The following PCDHA2 variants were observed in gnomAD, a reference collection of about 807,000 sequenced individuals.
The protein encoded by PCDHA2 is protocadherin alpha 2.
PCDHA2 carries 58 observed loss-of-function variants against 66.0 expected under a neutral mutation model. The ratio of observed to expected loss-of-function variants is 0.88; its 90% confidence interval spans 0.71 to 1.09. PCDHA2 has a LOEUF of 1.09. Ranked by LOEUF, PCDHA2 falls within the 50% of genes least tolerant of loss-of-function variation. PCDHA2 has a pLI of 0.00. For synonymous variants in PCDHA2, 634 were observed against 554.0 expected (o/e 1.14, Z -2.03); for missense variants, 1,267 against 1,242.3 (o/e 1.02, Z -0.30).
intron 1 of PCDHA2, chr5:140,856,965 C>T: frequency 1.9e-6 from 3 of 1,590,456 alleles, no homozygotes; most frequent in Non-Finnish European, 2.6e-6. Context: ...GTAAATGATG[C>T]TATTGACTTT....
At chr5:140,881,048 C>T (rs1409752539) in intron 1 of PCDHA2, among the ~76,000 whole-genome samples, 1 of 152,142 alleles carries the variant, frequency 6.6e-6, no homozygotes, top group Non-Finnish European at 1.5e-5. Context: ...TAGAGTTGTG[C>T]ACAGAACAGG....
intron 1 of PCDHA2, chr5:140,884,487 T>C (rs374963144): frequency 6.2e-7 from 1 of 1,613,832 alleles, no homozygotes; most frequent in African/African-American, 1.3e-5. Flanking sequence ...CCCACTCTAG[T>C]GTGCTCCAGC....
At position 140,869,037 on chromosome 5, in the gene PCDHA2, C is replaced by T. The variant is rs547872988; in HGVS notation, c.2388+71685C>T. 8.6e-5 allele frequency: 132 copies of T among 1,528,404 alleles called. No individual in the cohort carries two copies. In the East Asian group the frequency reaches 2.7e-3, roughly 31 times the overall value. The allele number at this position is 1,528,404 out of a possible 1,614,324, so 94.7% of individuals were successfully genotyped here. ...CTTAAGAATTCAACGAGATTTTTAA[C>T]CTGAAACTGAAGAATCTGGTACTGT... On this transcript the variant is annotated intron_variant, in intron 1 of 3. Coordinates refer to ENST00000526136, the MANE Select transcript of PCDHA2 (RefSeq NM_018905.3).
At position 140,843,462 on chromosome 5, in the gene PCDHA2, C is replaced by A. The variant is rs557665140; in HGVS notation, c.2388+46110C>A. The A allele has an allele frequency of 3.1e-6, 5 of 1,595,930 alleles. 1 individual carries two copies. In the African/African-American group the frequency reaches 5.4e-5, roughly 17 times the overall value. On this transcript the variant is annotated intron_variant, in intron 1 of 3. Coordinates refer to ENST00000526136, the MANE Select transcript of PCDHA2 (RefSeq NM_018905.3). ...GCGGTATCCAGCCTGCTGGTGCTCACGCTGCTGCTGTACACTGCGCTGCGG... is the reference window on the plus strand; with the variant it reads ...GCGGTATCCAGCCTGCTGGTGCTCAAGCTGCTGCTGTACACTGCGCTGCGG...
intron 1 of PCDHA2, chr5:140,858,206 A>T (rs781984728): frequency 1.3e-6 from 2 of 1,593,038 alleles, no homozygotes; most frequent in Non-Finnish European, 1.7e-6. Flanking sequence ...CACTGCACTG[A>T]GGTGCTCGGC....
chr5:140,862,497 A>G (rs1337501785), intron 1 of PCDHA2: 1 of 394,588 alleles, frequency 2.5e-6, no homozygotes, highest in Non-Finnish European at 5.1e-6. Flanking sequence ...ATCGCTCGGA[A>G]TGGGGACTCG....
At chr5:140,870,154 G>A (rs1243170344) in intron 1 of PCDHA2, 2 of 1,614,130 alleles carry the variant, frequency 1.2e-6, no homozygotes, top group Non-Finnish European at 8.5e-7. Context: ...TGAAGTCGCC[G>A]TGACTTCCTT....
chr5:140,833,980 C>G (rs2150212717), intron 1 of PCDHA2, among the ~76,000 whole-genome samples: 4 of 152,216 alleles, frequency 2.6e-5, no homozygotes, highest in African/African-American at 9.6e-5. Context: ...AAAAGTTTTT[C>G]TAAGGCATGA....
intron 1 of PCDHA2, chr5:140,876,900 G>T: frequency 1.2e-6 from 2 of 1,614,114 alleles, no homozygotes; most frequent in East Asian, 2.2e-5. Context: ...ACATCTTCAC[G>T]GTGTCGGCAT....
chr5:140,998,070 G>T (rs2097795700), intron 3 of PCDHA2, among the ~76,000 whole-genome samples: 1 of 152,050 alleles, frequency 6.6e-6, no homozygotes, highest in Admixed American at 6.6e-5. Context: ...AACAGACTTA[G>T]CCTCTGCAGT....
chr5:141,003,252 TGGGCAGTGCCTAA>T (rs2098117217), intron 3 of PCDHA2, among the ~76,000 whole-genome samples: 1 of 152,236 alleles, frequency 6.6e-6, no homozygotes, highest in South Asian at 2.1e-4. Context: ...AAAAGATTCC[TGGGCAGTGCCTAA>T]GGGAAGTGCC....
At chr5:140,908,384 C>T (rs573373685) in intron 1 of PCDHA2, among the ~76,000 whole-genome samples, 2 of 152,172 alleles carry the variant, frequency 1.3e-5, no homozygotes, top group African/African-American at 2.4e-5. Flanking sequence ...TGCTCGAGCC[C>T]GATCACATAT....
At chr5:140,882,446 G>T (rs556783584) in intron 1 of PCDHA2, 1 of 1,613,924 alleles carries the variant, frequency 6.2e-7, no homozygotes, top group African/African-American at 1.3e-5. Flanking sequence ...GGCGGAGCTG[G>T]TGCCGCGCCT....
Position 140,822,369 on chromosome 5 carries a change from C to T in PCDHA2, c.2388+25017C>T, listed in dbSNP as rs2150115802. On this transcript the variant is annotated intron_variant, in intron 1 of 3. Coordinates refer to ENST00000526136, the MANE Select transcript of PCDHA2 (RefSeq NM_018905.3). ...TTTTAGAGCTGGTTTTGAGGAAATCCTTAGATAGAGAAGAAACACAAGAAC... is the reference window on the plus strand; with the variant it reads ...TTTTAGAGCTGGTTTTGAGGAAATCTTTAGATAGAGAAGAAACACAAGAAC... 10 of 1,613,936 alleles carry T rather than the reference C, an allele frequency of 6.2e-6. No individual in the cohort carries two copies. In the East Asian group the frequency reaches 1.3e-4, roughly 22 times the overall value.
intron 1 of PCDHA2, chr5:140,882,310 A>G (rs2059059274): frequency 6.2e-7 from 1 of 1,613,930 alleles, no homozygotes; most frequent in Non-Finnish European, 8.5e-7. Context: ...CGCGGCAACT[A>G]CTGCTCTGGC....
chr5:140,928,452 G>A (rs1284379241), intron 1 of PCDHA2: 1 of 1,614,008 alleles, frequency 6.2e-7, no homozygotes, highest in Non-Finnish European at 8.5e-7. Flanking sequence ...AGCTCAGGGG[G>A]TTTCATTTCC....
chr5:140,911,187 G>A (rs911666410), intron 1 of PCDHA2, among the ~76,000 whole-genome samples: 1 of 152,102 alleles, frequency 6.6e-6, no homozygotes, highest in Non-Finnish European at 1.5e-5. Context: ...TGTGGGTTGG[G>A]GAGGACATGT....
At chr5:140,884,659 A>G in intron 1 of PCDHA2, 1 of 1,597,068 alleles carries the variant, frequency 6.3e-7, no homozygotes, top group Non-Finnish European at 8.5e-7. Flanking sequence ...AATGCTTGAA[A>G]GAGGTAAGCT....
At position 140,797,054 on chromosome 5, in the gene PCDHA2, A is replaced by G. The variant is rs782125795; in HGVS notation, c.2090A>G (p.Asn697Ser). ...TCAGAGGCTACGCTGGTGGATGTCA[A>G]CGTGTACCTGATCATCGCCATCTGC... ...AGSEATLVDV[N>S]VYLIIAICAV... The change falls in exon 1 of 4, where the codon AAC becomes AGC. Residue 697 changes from asparagine to serine, a missense_variant. Coordinates refer to ENST00000526136, the MANE Select transcript of PCDHA2 (RefSeq NM_018905.3). 4 of 1,613,630 alleles carry G rather than the reference A, an allele frequency of 2.5e-6. No individual in the cohort carries two copies. The highest frequency in any genetic ancestry group is 3.4e-6 in the Non-Finnish European group (4 of 1,179,976).
Sources: gnomAD v4.1 joint callset for allele counts (sites outside exome capture counted in the v4.1 genomes callset) on GRCh38, gnomAD v4.1.1 for gene constraint, MANE v1.5 for transcripts, NCBI Gene and HGNC (gene_info 2026-07-23, HGNC 2026-07-21) for gene names.